CALD1: variants seen among roughly 807,000 people sequenced by gnomAD.
The protein encoded by CALD1 is caldesmon 1.
A neutral mutation model predicts 99.9 loss-of-function variants in CALD1; 33 were observed. The observed-to-expected ratio is 0.33, with a 90% confidence interval of 0.25 to 0.44. CALD1 has a LOEUF of 0.44. CALD1 is among the 20% of genes least tolerant of loss of function. The pLI is 1.00. For synonymous variants in CALD1, 310 were observed against 325.0 expected, an observed-to-expected ratio of 0.95 and a Z score of 0.50; for missense variants, 861 against 962.1, an observed-to-expected ratio of 0.89 and a Z score of 1.39.
rs34026828 is a variant in CALD1, at chr7:134,767,195, CTGTGTGTGTGTGTG to C, written c.-130+22849_-130+22862del. Among the ~76,000 whole-genome samples the C allele has an allele frequency of 1.6e-3, 236 of 148,996 alleles. 1 individual carries two copies. The highest frequency in any genetic ancestry group is 3.0e-3 in the South Asian group (14 of 4,618). On this transcript the variant is annotated intron_variant, in intron 1 of 13. Transcript: ENST00000417172. Reference sequence around the variant, plus strand: ...ACACACACTCTCTCTCTCTCTGTCTCTGTGTGTGTGTGTGTGTGTGTGTGTGTGTGCGTGTGTGA... The same window carrying C: ...ACACACACTCTCTCTCTCTCTGTCTCTGTGTGTGTGTGTGTGCGTGTGTGA...
chr7:134,741,459 C>G (rs150812261), upstream of CALD1, among the ~76,000 whole-genome samples: 23 of 152,254 alleles, frequency 1.5e-4, no homozygotes, highest in Non-Finnish European at 2.9e-4. Flanking sequence ...TGGGTGGGGA[C>G]ACAGCCAAAC....
In CALD1 at chr7:134,882,502, T is replaced by TTTGCAA. The variant is rs1268619547; in HGVS notation, c.71+14701_71+14706dup. Among the ~76,000 whole-genome samples, 4 of 152,344 alleles carry TTTGCAA rather than the reference T, an allele frequency of 2.6e-5. 1 individual carries two copies. Among genetic ancestry groups the TTTGCAA allele is most frequent in the South Asian group, 4.1e-4 (2 of 4,832 alleles). On this transcript the variant is annotated intron_variant, in intron 3 of 14. Coordinates refer to ENST00000361675, the MANE Select transcript of CALD1 (RefSeq NM_033138.4). ...CTCCGGTACTCAAGCCCTTGGTATA[T>TTTGCAA]TTGCAATTAGTATCTGCATTATAAA...
upstream of CALD1, among the ~76,000 whole-genome samples, chr7:134,742,843 C>T (rs149715578): frequency 6.6e-6 from 1 of 152,246 alleles, no homozygotes; most frequent in East Asian, 1.9e-4. Flanking sequence ...GAGCAGTGTT[C>T]TGTTTCTTTA....
chr7:134,803,907 G>A (rs1457976184), intron 1 of CALD1, among the ~76,000 whole-genome samples: 2 of 152,078 alleles, frequency 1.3e-5, no homozygotes, highest in Non-Finnish European at 2.9e-5. Context: ...TGTTGACCAG[G>A]CTGGTCTCAA....
intron 9 of CALD1, among the ~76,000 whole-genome samples, chr7:134,952,526 A>G (rs771049406): frequency 5.2e-4 from 77 of 148,332 alleles, no homozygotes; most frequent in Middle Eastern, 3.5e-3. Flanking sequence ...GCTGGAGTGC[A>G]GTGGCACCAT....
At chr7:134,864,216 A>G (rs898049411) in intron 2 of CALD1, among the ~76,000 whole-genome samples, 2 of 152,010 alleles carry the variant, frequency 1.3e-5, no homozygotes, top group African/African-American at 2.4e-5. Context: ...GTGTGGCGGT[A>G]TACACCTGTA....
chr7:134,875,610 C>T (rs1188902155), intron 3 of CALD1, among the ~76,000 whole-genome samples: 5 of 152,216 alleles, frequency 3.3e-5, no homozygotes, highest in Non-Finnish European at 7.3e-5. Flanking sequence ...GCACTCCAGC[C>T]TGGGCAACAA....
At chr7:134,718,226 T>C in the CALD1 span, among the ~76,000 whole-genome samples, 1 of 152,218 alleles carries the variant, frequency 6.6e-6, no homozygotes, top group Admixed American at 6.5e-5. Context: ...TCCAAAGGAT[T>C]GTGTGAATTT....
rs753596762 is a variant in CALD1 at position 134,960,524 on chromosome 7, C to A, written c.2200-9C>A. On this transcript the variant is annotated splice_polypyrimidine_tract_variant and intron_variant, in intron 12 of 14. Coordinates refer to ENST00000361675, the MANE Select transcript of CALD1 (RefSeq NM_033138.4). ...TTCTTTAATATTTTGGATGATTGCC[C>A]CTTTGTAGGAAACTGCTGGCTTGAA... The A allele has an allele frequency of 1.3e-6, 2 of 1,571,074 alleles. No individual in the cohort carries two copies. Among genetic ancestry groups the A allele is most frequent in the South Asian group, 1.1e-5 (1 of 89,806 alleles).
chr7:134,881,121 A>G (rs1401771110), intron 3 of CALD1, among the ~76,000 whole-genome samples: 1 of 152,166 alleles, frequency 6.6e-6, no homozygotes, highest in Admixed American at 6.5e-5. Context: ...TAGAAGACAG[A>G]TTCTGGTGTC....
chr7:134,786,044 T>G (rs923313654), intron 1 of CALD1, among the ~76,000 whole-genome samples: 2 of 152,156 alleles, frequency 1.3e-5, no homozygotes, highest in African/African-American at 4.8e-5. Flanking sequence ...GGGGAAAATG[T>G]GGTCACTGAT....
At chr7:134,899,207 CTTT>C (rs981812367) in intron 3 of CALD1, among the ~76,000 whole-genome samples, 8 of 137,956 alleles carry the variant, frequency 5.8e-5, no homozygotes, top group Admixed American at 7.2e-5. Context: ...CTTTCTTTTT[CTTT>C]TTTTTTTTTT....
At chr7:134,881,958 C>T (rs975405416) in intron 3 of CALD1, among the ~76,000 whole-genome samples, 3 of 152,216 alleles carry the variant, frequency 2.0e-5, no homozygotes, top group Non-Finnish European at 4.4e-5. Flanking sequence ...GAGAACCCTA[C>T]TCCCACCTTG....
intron 3 of CALD1, among the ~76,000 whole-genome samples, chr7:134,886,918 A>G (rs1801881564): frequency 6.6e-6 from 1 of 152,162 alleles, no homozygotes; most frequent in African/African-American, 2.4e-5. Context: ...CCCCCACAGC[A>G]CTTAGTGCAA....
At chr7:134,939,588 A>C (rs969467388) in intron 6 of CALD1, among the ~76,000 whole-genome samples, 1 of 152,206 alleles carries the variant, frequency 6.6e-6, no homozygotes, top group African/African-American at 2.4e-5. Flanking sequence ...CTAGTAATTA[A>C]TCAGATAATA....
At position 134,888,889 on chromosome 7, in the gene CALD1, C is replaced by T. The variant is rs191809611; in HGVS notation, c.71+21085C>T. ...TCCTGTGTACAGCTGGCAATTAGCA[C>T]ACTTTCTGTACATGGATTCTGCACA... On this transcript the variant is annotated intron_variant, in intron 3 of 14. Coordinates refer to ENST00000361675, the MANE Select transcript of CALD1 (RefSeq NM_033138.4). Among the ~76,000 whole-genome samples the T allele has an allele frequency of 4.9e-4, 75 of 152,344 alleles. 1 individual carries two copies. Among genetic ancestry groups the T allele is most frequent in the African/African-American group, 1.7e-3 (70 of 41,588 alleles).
intron 1 of CALD1, among the ~76,000 whole-genome samples, chr7:134,747,938 C>A (rs1408067937): frequency 6.6e-6 from 1 of 152,166 alleles, no homozygotes; most frequent in African/African-American, 2.4e-5. Flanking sequence ...GAACTGCAGG[C>A]ACTCAACTCC....
chr7:134,920,309 G>A (rs576221264), intron 3 of CALD1, among the ~76,000 whole-genome samples: 14 of 125,756 alleles, frequency 1.1e-4, no homozygotes, highest in African/African-American at 3.0e-4. Flanking sequence ...AATAATGAAA[G>A]TATGTGTGAG....
At chr7:134,886,725 A>G (rs1179904395) in intron 3 of CALD1, among the ~76,000 whole-genome samples, 3 of 152,246 alleles carry the variant, frequency 2.0e-5, no homozygotes, top group Non-Finnish European at 4.4e-5. Flanking sequence ...ATCTAGTTCG[A>G]TAACAGGATA....
Sources: allele counts gnomAD v4.1 joint callset (sites outside exome capture counted in the v4.1 genomes callset), GRCh38; gene constraint gnomAD v4.1.1; transcripts MANE v1.5; gene names NCBI Gene and HGNC (gene_info 2026-07-23, HGNC 2026-07-21).